The following IQSEC1 variants were observed in gnomAD, a reference collection of about 807,000 sequenced individuals.
The protein encoded by IQSEC1 is IQ motif and Sec7 domain ArfGEF 1, also known as IQ motif and SEC7 domain-containing protein 1.
Under a neutral mutation model 91.0 loss-of-function variants are expected in IQSEC1, and 31 were observed. The observed-to-expected ratio is 0.34, with a 90% confidence interval of 0.26 to 0.46. The LOEUF is 0.46. Ranked by LOEUF, IQSEC1 falls within the 20% of genes least tolerant of loss-of-function variation. IQSEC1 has a pLI of 1.00. For missense variants in IQSEC1, 1,388 were observed against 1,575.6 expected (o/e 0.88, Z 2.02); for synonymous variants, 699 against 662.6 (o/e 1.05, Z -0.84).
intron 1 of IQSEC1, among the ~76,000 whole-genome samples, chr3:13,222,581 C>A (rs1292131679): frequency 2.0e-5 from 3 of 152,202 alleles, no homozygotes; most frequent in African/African-American, 7.2e-5. Context: ...CACGTTACCT[C>A]CCCCCAGCAA....
intron 2 of IQSEC1, among the ~76,000 whole-genome samples, chr3:13,110,162 G>A (rs1559256955): frequency 6.6e-6 from 1 of 152,146 alleles, no homozygotes; most frequent in Non-Finnish European, 1.5e-5. Context: ...GATTACAGGC[G>A]TGAGCCACGG....
chr3:13,231,544 ACCACCTCCCAACGGCC>A (rs1460347350), intron 1 of IQSEC1, among the ~76,000 whole-genome samples: 1 of 109,572 alleles, frequency 9.1e-6, no homozygotes, highest in Non-Finnish European at 2.0e-5. Context: ...GCATGACCTC[ACCACCTCCCAACGGCC>A]CCACCTTCAA....
rs1212381280 is a variant in IQSEC1 at position 13,214,463 on chromosome 3, C to T, written c.273-50330G>A. On this transcript the variant is annotated intron_variant, in intron 1 of 15. Coordinates refer to the IQSEC1 transcript ENST00000648114. This position sits in a 1 kb window ranked among gnomAD's most constrained non-coding sequence, Gnocchi z 4.5. ...GTGGCCCCCTGCCTTGAATCTGGGACATGTCCCTCCTCGTAGCCCTCCTTC... is the reference window on the plus strand; with the variant it reads ...GTGGCCCCCTGCCTTGAATCTGGGATATGTCCCTCCTCGTAGCCCTCCTTC... Among the ~76,000 whole-genome samples, 1 of 152,286 alleles carries T rather than the reference C, an allele frequency of 6.6e-6. No homozygotes were observed. Among genetic ancestry groups the T allele is most frequent in the African/African-American group, 2.4e-5 (1 of 41,480 alleles).
chr3:12,941,794 G>A lies in IQSEC1; in HGVS notation c.95C>T (p.Pro32Leu), dbSNP rs749700860. Residue 32 changes from proline (P) to leucine (L), a missense_variant, in exon 2 of 14, where the codon CCC becomes CTC. Coordinates refer to ENST00000613206, the MANE Select transcript of IQSEC1 (RefSeq NM_001134382.3). ...GCTCAGGCTGGAACCGGGCACCAAGGGGCCCTGGGGGTAGGCTGAGGGGCT... is the reference window on the plus strand; with the variant it reads ...GCTCAGGCTGGAACCGGGCACCAAGAGGCCCTGGGGGTAGGCTGAGGGGCT... ...LDSPSAYPQG[P>L]LVPGSSLSPD... 111 of 1,611,254 alleles carry A rather than the reference G, an allele frequency of 6.9e-5. 1 individual carries two copies. The South Asian group carries it at 1.1e-3, about 16-fold the overall frequency.
intron 1 of IQSEC1, among the ~76,000 whole-genome samples, chr3:13,212,669 C>T (rs1363230537): frequency 1.3e-5 from 2 of 152,210 alleles, no homozygotes; most frequent in African/African-American, 4.8e-5. Flanking sequence ...TCCTCATCTC[C>T]TCATCAACAC....
In IQSEC1 at chr3:12,967,284, G is replaced by T; in HGVS notation, c.24-25419C>A. Reference sequence around the variant, plus strand: ...GCTTTCTCTCGCACGCCGGGCGCCCGGTCCCGACGGTCACCCGCACTCCCG... The same window carrying T: ...GCTTTCTCTCGCACGCCGGGCGCCCTGTCCCGACGGTCACCCGCACTCCCG... On this transcript the variant is annotated intron_variant, in intron 1 of 13. Coordinates refer to ENST00000613206, the MANE Select transcript of IQSEC1 (RefSeq NM_001134382.3). This position sits in a 1 kb window ranked among gnomAD's most constrained non-coding sequence, Gnocchi z 5.9. 3 of 1,009,218 alleles carry T rather than the reference G, an allele frequency of 3.0e-6. No homozygotes were observed. Among genetic ancestry groups the T allele is most frequent in the South Asian group, 1.7e-5 (1 of 58,564 alleles). The allele number at this position is 1,009,218 out of a possible 1,614,324, so 62.5% of individuals were successfully genotyped here. A position where few individuals can be genotyped will look rare whatever the true frequency, so the allele number is the denominator to read the frequency against.
chr3:12,949,087 A>G (rs1699369230), intron 1 of IQSEC1, among the ~76,000 whole-genome samples: 1 of 152,250 alleles, frequency 6.6e-6, no homozygotes, highest in African/African-American at 2.4e-5. Context: ...TCCCTTCTGC[A>G]GATGACAAAC....
intron 1 of IQSEC1, among the ~76,000 whole-genome samples, chr3:13,242,692 G>A (rs986866463): frequency 4.6e-5 from 7 of 152,206 alleles, no homozygotes; most frequent in African/African-American, 7.2e-5. Flanking sequence ...ATTGGTGCTC[G>A]TGCTTCTGGA....
chr3:12,951,622 C>G (rs1380897821), intron 1 of IQSEC1, among the ~76,000 whole-genome samples: 1 of 152,138 alleles, frequency 6.6e-6, no homozygotes, highest in Non-Finnish European at 1.5e-5. Flanking sequence ...CAGCCTGGCA[C>G]GCAGTTCTAG....
chr3:13,020,778 C>T (rs1703361994), intron 1 of IQSEC1, among the ~76,000 whole-genome samples: 1 of 152,326 alleles, frequency 6.6e-6, no homozygotes, highest in Non-Finnish European at 1.5e-5. Flanking sequence ...AAGCATTCCT[C>T]CTGCCTCAGC....
chr3:13,164,116 G>A (rs1463090094), exon 2 of IQSEC1, among the ~76,000 whole-genome samples: 1 of 152,132 alleles, frequency 6.6e-6, no homozygotes, highest in East Asian at 1.9e-4. Context: ...GACGCTCCGC[G>A]AGCTTTCTCC....
chr3:13,114,849 C>T (rs919832592), intron 2 of IQSEC1, among the ~76,000 whole-genome samples: 13 of 150,512 alleles, frequency 8.6e-5, no homozygotes, highest in African/African-American at 1.5e-4. Flanking sequence ...CGATGGGTGA[C>T]GGGTGCCAAA....
intron 1 of IQSEC1, among the ~76,000 whole-genome samples, chr3:13,062,024 G>A (rs1343316424): frequency 6.6e-6 from 1 of 152,196 alleles, no homozygotes; most frequent in Non-Finnish European, 1.5e-5. Context: ...ACAGGAACGT[G>A]TCCTGGGGAA....
At chr3:13,239,058 T>G (rs1694978386) in intron 1 of IQSEC1, among the ~76,000 whole-genome samples, 1 of 152,226 alleles carries the variant, frequency 6.6e-6, no homozygotes, top group African/African-American at 2.4e-5. Flanking sequence ...GGATGCCCCC[T>G]GCTCCCTGTG....
intron 2 of IQSEC1, among the ~76,000 whole-genome samples, chr3:13,102,889 C>T (rs1234214360): frequency 6.6e-6 from 1 of 152,202 alleles, no homozygotes; most frequent in African/African-American, 2.4e-5. Flanking sequence ...TGCATTTAGT[C>T]CTTACAACCA....
At position 12,899,356 on chromosome 3, in the gene IQSEC1, C is replaced by T; in HGVS notation, c.*1627G>A. The T allele has an allele frequency of 1.2e-6, 2 of 1,609,760 alleles. No individual in the cohort carries two copies. Among genetic ancestry groups the T allele is most frequent in the Non-Finnish European group, 1.7e-6 (2 of 1,178,508 alleles). On this transcript the variant is annotated 3_prime_UTR_variant, in exon 14 of 14. Coordinates refer to ENST00000613206, the MANE Select transcript of IQSEC1 (RefSeq NM_001134382.3). ...CTTTCTGAAAGGGCCTCCGCCTGGG[C>T]AGGCGCCGGGGGGCAGTCCTCGGGT...
chr3:13,070,856 C>G (rs1203389595), intron 1 of IQSEC1, among the ~76,000 whole-genome samples: 2 of 152,336 alleles, frequency 1.3e-5, no homozygotes, highest in South Asian at 2.1e-4. Flanking sequence ...GAGCTTATTC[C>G]AGGAATCAGC....
chr3:12,936,130 C>T lies in IQSEC1; in HGVS notation c.886G>A (p.Glu296Lys), dbSNP rs984910197. 1.1e-5 allele frequency: 18 copies of T among 1,612,180 alleles called. No individual in the cohort carries two copies. Among genetic ancestry groups the T allele is most frequent in the Non-Finnish European group, 1.5e-5 (18 of 1,179,874 alleles). ...AGGGGCAGAGGGGGCGACAGCTCCT[C>T]CTCATCGATGTACAGGGTGACATCA... ...YSDVTLYIDE[E>K]ELSPPLPLSQ... The change falls in exon 3 of 14, where the codon GAG becomes AAG. Residue 296 changes from glutamate to lysine, a missense_variant. Glu to Lys is a moderately conservative substitution (Grantham distance 56). This residue lies in a region of IQSEC1 where 1,059 missense variants were observed against 1,317.8 expected (regional missense o/e 0.80). Transcript: ENST00000613206.
At chr3:13,224,950 C>G (rs1204663700) in intron 1 of IQSEC1, among the ~76,000 whole-genome samples, 3 of 152,236 alleles carry the variant, frequency 2.0e-5, no homozygotes, top group Non-Finnish European at 4.4e-5. Flanking sequence ...CTCTGTGAAG[C>G]CCAAGCCTGG....
Sources: allele counts gnomAD v4.1 joint callset (sites outside exome capture counted in the v4.1 genomes callset), GRCh38; gene constraint gnomAD v4.1.1; regional missense constraint gnomAD v4.1.1; non-coding constraint Gnocchi (gnomAD v3.1); transcripts MANE v1.5; gene names NCBI Gene and HGNC (gene_info 2026-07-23, HGNC 2026-07-21).